Variants in PTPRD observed in about 807,000 individuals in gnomAD.
PTPRD encodes the protein protein tyrosine phosphatase receptor type D.
In PTPRD, 34 loss-of-function variants were observed where a neutral mutation model predicts 214.5. That is an observed-to-expected ratio of 0.16 (90% CI 0.12 to 0.21). The LOEUF (loss-of-function observed/expected upper bound fraction) is 0.21, where lower values mean the gene tolerates loss of function less well. PTPRD is among the 10% of genes least tolerant of loss of function. The probability of loss-of-function intolerance (pLI) is 1.00; values close to 1 mark genes in which losing one functional copy is unlikely to be tolerated. For synonymous variants in PTPRD, 1,128 were observed against 845.7 expected, an observed-to-expected ratio of 1.33 and a Z score of -5.79; for missense variants, 2,545 against 2,398.7, an observed-to-expected ratio of 1.06 and a Z score of -1.27.
In PTPRD at chr9:10,218,455, C is replaced by A. The variant is rs78569108; in HGVS notation, c.-545+122508G>T. Among the ~76,000 whole-genome samples the A allele has an allele frequency of 1.0e-3, 155 of 151,890 alleles. 3 individuals carry two copies. The East Asian group carries it at 0.029, about 29-fold the overall frequency. On this transcript the variant is annotated intron_variant, in intron 3 of 45. Coordinates refer to ENST00000381196, the MANE Select transcript of PTPRD (RefSeq NM_002839.4). ...GGGGGCAGCATTACTTTTGTCACTTCAAAATTTTTAGCCTTTAGTATTTTA... is the reference window on the plus strand; with the variant it reads ...GGGGGCAGCATTACTTTTGTCACTTAAAAATTTTTAGCCTTTAGTATTTTA...
rs540359161 is a variant in PTPRD, at chr9:10,393,160, C to A, written c.-599-52143G>T. On this transcript the variant is annotated intron_variant, in intron 2 of 45. Coordinates refer to ENST00000381196, the MANE Select transcript of PTPRD (RefSeq NM_002839.4). ...TTGTCTATCTTTATGCTCAAAATAT[C>A]CATTATAAAATATTTAGATCTGAAA... 1.1e-4 allele frequency among the ~76,000 whole-genome samples: 16 copies of A among 151,860 alleles called. No homozygotes were observed. The East Asian group carries it at 2.9e-3, about 28-fold the overall frequency.
At chr9:9,779,354 G>A (rs1466929956) in intron 5 of PTPRD, among the ~76,000 whole-genome samples, 2 of 152,030 alleles carry the variant, frequency 1.3e-5, no homozygotes, top group African/African-American at 4.8e-5. Context: ...ACTGATAAGT[G>A]GCATGGGATA....
At chr9:8,445,639 A>T (rs143117749) in intron 34 of PTPRD, among the ~76,000 whole-genome samples, 1 of 152,336 alleles carries the variant, frequency 6.6e-6, no homozygotes, top group Non-Finnish European at 1.5e-5. Flanking sequence ...ATCCTATCAG[A>T]CTGTTTATCC....
chr9:9,276,889 T>C (rs764021683), intron 9 of PTPRD, among the ~76,000 whole-genome samples: 9 of 151,410 alleles, frequency 5.9e-5, no homozygotes, highest in Non-Finnish European at 1.2e-4. Context: ...TGATGTGTCG[T>C]GCTCTGTGTC....
chr9:9,531,880 G>T (rs1047699643), intron 8 of PTPRD, among the ~76,000 whole-genome samples: 1 of 151,958 alleles, frequency 6.6e-6, no homozygotes, highest in Non-Finnish European at 1.5e-5. Flanking sequence ...TGAGGTTACA[G>T]AAGATTGTAA....
At chr9:9,846,556 C>A (rs1248755941) in intron 5 of PTPRD, among the ~76,000 whole-genome samples, 1 of 152,106 alleles carries the variant, frequency 6.6e-6, no homozygotes, top group African/African-American at 2.4e-5. Context: ...ATATAGCAAT[C>A]ATGGGTATCA....
chr9:9,982,113 A>G (rs1000682936), intron 4 of PTPRD, among the ~76,000 whole-genome samples: 2 of 152,192 alleles, frequency 1.3e-5, no homozygotes, highest in Non-Finnish European at 2.9e-5. Context: ...TGAGCCGAAC[A>G]TATGGTGAAG....
At chr9:9,165,687 A>G (rs2099901901) in intron 10 of PTPRD, among the ~76,000 whole-genome samples, 1 of 152,226 alleles carries the variant, frequency 6.6e-6, no homozygotes, top group African/African-American at 2.4e-5. Flanking sequence ...TTACTGAGAT[A>G]GCAATGTGTA....
intron 2 of PTPRD, among the ~76,000 whole-genome samples, chr9:10,478,427 G>C (rs1244800659): frequency 6.6e-6 from 1 of 152,172 alleles, no homozygotes; most frequent in East Asian, 1.9e-4. Flanking sequence ...CCCGTATCTG[G>C]AAACTACTTA....
intron 9 of PTPRD, among the ~76,000 whole-genome samples, chr9:9,336,142 G>C (rs1442826385): frequency 3.3e-5 from 5 of 149,972 alleles, no homozygotes; most frequent in Admixed American, 6.6e-5. Flanking sequence ...TATAAGCTTT[G>C]TAACCGCCTC....
At chr9:10,364,666 C>A (rs988038325) in intron 2 of PTPRD, among the ~76,000 whole-genome samples, 1 of 152,102 alleles carries the variant, frequency 6.6e-6, no homozygotes, top group Non-Finnish European at 1.5e-5. Flanking sequence ...TGAATATCAA[C>A]AAATAATTAA....
chr9:9,005,100 T>C (rs558761973), intron 11 of PTPRD, among the ~76,000 whole-genome samples: 1 of 152,170 alleles, frequency 6.6e-6, no homozygotes, highest in East Asian at 1.9e-4. Flanking sequence ...AAGATCCAAA[T>C]AGTTTTGCTA....
rs572905528 is a variant in PTPRD, at chr9:9,140,914, T to C, written c.-143+42390A>G. ...CATCTTTAACAACTCCCATTTCTTT[T>C]TCTTCCTGGGAATGAAGCTGGACTA... On this transcript the variant is annotated intron_variant, in intron 10 of 45. Transcript: ENST00000381196. Among the ~76,000 whole-genome samples, 17 of 152,262 alleles carry C rather than the reference T, an allele frequency of 1.1e-4. No homozygotes were observed. In the South Asian group the frequency reaches 3.5e-3, roughly 32 times the overall value.
chr9:10,294,526 G>A (rs563927819), intron 3 of PTPRD, among the ~76,000 whole-genome samples: 28 of 151,892 alleles, frequency 1.8e-4, no homozygotes, highest in Non-Finnish European at 2.7e-4. Flanking sequence ...ACTGAAAACA[G>A]TCAAACTCCT....
rs199716911 is a variant in PTPRD, at chr9:10,142,843, T to C, written c.-544-109053A>G. ...ATGCACACGTATGTTTATTGTGGCA[T>C]TATTCACAATAGCAAAGACTTGGAA... On this transcript the variant is annotated intron_variant, in intron 3 of 45. Transcript: ENST00000381196. 5.6e-5 allele frequency among the ~76,000 whole-genome samples: 8 copies of C among 143,452 alleles called. No individual in the cohort carries two copies. The East Asian group carries it at 6.1e-4, about 11-fold the overall frequency. 94.1% of individuals were successfully genotyped at this position (143,452 alleles called of 152,430 possible).
At chr9:9,725,144 T>A (rs1331435406) in intron 7 of PTPRD, among the ~76,000 whole-genome samples, 1 of 152,090 alleles carries the variant, frequency 6.6e-6, no homozygotes. Context: ...TGGTTCTGTG[T>A]CCCCAATCAA....
In PTPRD at chr9:10,038,742, TC is replaced by T. The variant is rs1480528152; in HGVS notation, c.-544-4953del. 2.0e-5 allele frequency among the ~76,000 whole-genome samples: 3 copies of T among 152,232 alleles called. No individual in the cohort carries two copies. The East Asian group carries it at 5.8e-4, about 29-fold the overall frequency. On this transcript the variant is annotated intron_variant, in intron 3 of 45. Coordinates refer to ENST00000381196, the MANE Select transcript of PTPRD (RefSeq NM_002839.4). ...ATAATTTGGACTCACTTTATATTTT[TC>T]TTTTATTCATCTATTCTCAGAGAAC...
At chr9:9,058,399 T>G (rs2154399246) in intron 10 of PTPRD, among the ~76,000 whole-genome samples, 1 of 149,526 alleles carries the variant, frequency 6.7e-6, no homozygotes, top group South Asian at 2.1e-4. Flanking sequence ...AGAAGATAAA[T>G]TCTATGTATA....
chr9:8,968,990 G>C (rs144972914), intron 11 of PTPRD, among the ~76,000 whole-genome samples: 8 of 152,086 alleles, frequency 5.3e-5, no homozygotes, highest in Non-Finnish European at 1.0e-4. Context: ...TTTATAATTA[G>C]ATTATTAAGC....
Sources: gnomAD v4.1 joint callset for allele counts (sites outside exome capture counted in the v4.1 genomes callset) on GRCh38, gnomAD v4.1.1 for gene constraint, MANE v1.5 for transcripts, NCBI Gene and HGNC (gene_info 2026-07-23, HGNC 2026-07-21) for gene names.